Variants in HM13 observed in about 807,000 individuals in gnomAD.
The protein encoded by HM13 is histocompatibility minor 13, also known as signal peptide peptidase.
A neutral mutation model predicts 50.0 loss-of-function variants in HM13; 18 were observed. The observed-to-expected ratio is 0.36, with a 90% CI of 0.25 to 0.53. The LOEUF (loss-of-function observed/expected upper bound fraction) is 0.53. Ranked by LOEUF, HM13 falls within the 20% of genes least tolerant of loss-of-function variation. The pLI is 0.90. For synonymous variants in HM13, 197 were observed against 232.6 expected, an observed-to-expected ratio of 0.85 and a Z score of 1.39; for missense variants, 393 against 552.4, an observed-to-expected ratio of 0.71 and a Z score of 2.89.
At chr20:31,538,042 A>G (rs1983214315) in intron 2 of HM13, 137 bp from the exon 3 acceptor site, 1 of 906,726 alleles carries the variant, frequency 1.1e-6, no homozygotes, top group Non-Finnish European at 1.6e-6. Flanking sequence ...TGCCACTAGT[A>G]TTGTCTGAGA....
chr20:31,565,760 C>A lies in HM13; in HGVS notation c.949-450C>A, dbSNP rs115471664. Among the ~76,000 whole-genome samples, 739 of 152,244 alleles carry A rather than the reference C, an allele frequency of 4.9e-3. 7 individuals are homozygous for A. Among genetic ancestry groups the A allele is most frequent in the African/African-American group, 0.017 (701 of 41,548 alleles). On this transcript the variant is annotated intron_variant, in intron 10 of 12. Transcript: ENST00000398174. ...GAATCCTGGGGGAGCCAGTGACCAGCTAGGTCACCTTAATACAGGCTGCAA... is the reference window on the plus strand; with the variant it reads ...GAATCCTGGGGGAGCCAGTGACCAGATAGGTCACCTTAATACAGGCTGCAA...
chr20:31,545,700 C>T (rs1185909167), intron 4 of HM13, among the ~76,000 whole-genome samples: 2 of 152,176 alleles, frequency 1.3e-5, no homozygotes, highest in Admixed American at 6.5e-5. Context: ...ACAAGATTAT[C>T]AATGCTTGAC....
intron 4 of HM13, 108 bp downstream of exon 4, chr20:31,545,143 G>A: frequency 1.2e-6 from 1 of 848,092 alleles, no homozygotes; most frequent in Admixed American, 2.0e-5. Flanking sequence ...GATGAAGTGG[G>A]CTCTGGAATT....
chr20:31,567,774 T>G, intron 11 of HM13: 1 of 312,500 alleles, frequency 3.2e-6, no homozygotes, highest in East Asian at 6.8e-5. Flanking sequence ...GACGGTGGCA[T>G]TCTTGGAGCA....
chr20:31,530,870 A>C (rs1377179340), intron 2 of HM13, among the ~76,000 whole-genome samples: 1 of 152,190 alleles, frequency 6.6e-6, no homozygotes, highest in South Asian at 2.1e-4. Context: ...CAGTAGGTCT[A>C]CCAGGTCAAA....
intron 3 of HM13, among the ~76,000 whole-genome samples, chr20:31,542,080 G>A (rs1983479081): frequency 6.6e-6 from 1 of 152,246 alleles, no homozygotes; most frequent in Admixed American, 6.5e-5. Flanking sequence ...CTGAAAGGCT[G>A]CAGAGAGCTG....
chr20:31,553,905 G>A (rs1210913122), intron 7 of HM13, among the ~76,000 whole-genome samples: 1 of 152,076 alleles, frequency 6.6e-6, no homozygotes, highest in African/African-American at 2.4e-5. Context: ...AGTGAGATGG[G>A]AAACCTTGTA....
intron 4 of HM13, chr20:31,547,509 C>A (rs1435934040): frequency 2.7e-6 from 2 of 728,988 alleles, no homozygotes; most frequent in Non-Finnish European, 4.7e-6. Context: ...GGATCATGTT[C>A]AAGAAGTTTG....
intron 10 of HM13, among the ~76,000 whole-genome samples, chr20:31,564,811 T>G (rs1600671546): frequency 7.0e-6 from 1 of 143,512 alleles, no homozygotes; most frequent in East Asian, 2.0e-4. Context: ...ACCATTGCAC[T>G]CCAGTCTGGG....
Position 31,514,764 on chromosome 20 carries a change from C to A in HM13, c.183+30C>A, listed in dbSNP as rs1359959661. ...GGTCAGCGGGAAAACCGGGCACTTTCCACCCCCATACCGAACACGGCCGAC... is the reference window on the plus strand; with the variant it reads ...GGTCAGCGGGAAAACCGGGCACTTTACACCCCCATACCGAACACGGCCGAC... On this transcript the variant is annotated intron_variant, in intron 1 of 12. Coordinates refer to ENST00000398174, the MANE Select transcript of HM13 (RefSeq NM_178581.3). The surrounding 1 kb of genome is among the most constrained non-coding windows in gnomAD (Gnocchi z 4.3). The A allele has an allele frequency of 6.7e-7, 1 of 1,498,600 alleles. No individual in the cohort carries two copies. The highest frequency in any genetic ancestry group is 2.5e-5 in the East Asian group (1 of 40,356). The allele number at this position is 1,498,600 out of a possible 1,614,324, so 92.8% of individuals were successfully genotyped here.
At chr20:31,547,466 C>T (rs1983791866) in intron 4 of HM13, 2 of 600,512 alleles carry the variant, frequency 3.3e-6, no homozygotes, top group South Asian at 2.1e-5. Flanking sequence ...TTGCCAATTC[C>T]GTTTGTTTCC....
chr20:31,554,315 T>C (rs530128873), intron 7 of HM13, among the ~76,000 whole-genome samples: 123 of 151,116 alleles, frequency 8.1e-4, no homozygotes, highest in African/African-American at 2.8e-3. Flanking sequence ...TGAGCCAAGA[T>C]CGTGCCACTG....
chr20:31,539,090 C>CACG, intron 3 of HM13: 1 of 985,494 alleles, frequency 1.0e-6, no homozygotes, highest in Non-Finnish European at 1.2e-6. Context: ...CTAACTCAAA[C>CACG]TGCCACATGC....
intron 4 of HM13, among the ~76,000 whole-genome samples, chr20:31,546,777 G>A (rs899413517): frequency 6.7e-6 from 1 of 148,580 alleles, no homozygotes; most frequent in African/African-American, 2.5e-5. Flanking sequence ...AAAAGACTAA[G>A]CTTGGCCAGG....
At chr20:31,536,077 T>G (rs1983089147) in intron 2 of HM13, among the ~76,000 whole-genome samples, 1 of 152,148 alleles carries the variant, frequency 6.6e-6, no homozygotes, top group African/African-American at 2.4e-5. Context: ...AGAACGGATC[T>G]GGAGGCTGGG....
chr20:31,550,203 T>C, intron 7 of HM13, 82 bp downstream of exon 7: 2 of 954,314 alleles, frequency 2.1e-6, no homozygotes, highest in Non-Finnish European at 3.4e-6. Flanking sequence ...AGTCAGTGCA[T>C]CTCCCTATCT....
chr20:31,534,660 G>A (rs1024756421), intron 2 of HM13, among the ~76,000 whole-genome samples: 2 of 152,132 alleles, frequency 1.3e-5, no homozygotes, highest in African/African-American at 4.8e-5. Flanking sequence ...GCACACACCT[G>A]TAGTCCCAAC....
rs1043596753 is a variant in HM13 at position 31,551,466 on chromosome 20, G to A, written c.724+1345G>A. ...AGGGATGGTTTTTCCCAAGTCTCCT[G>A]TGCAGTCTCCCTCATACTTTATTGG... On this transcript the variant is annotated intron_variant, in intron 7 of 12. Transcript: ENST00000398174. Among the ~76,000 whole-genome samples the A allele has an allele frequency of 2.6e-5, 4 of 152,344 alleles. No homozygotes were observed. In the South Asian group the frequency reaches 8.3e-4, roughly 32 times the overall value.
At chr20:31,567,978 A>G in intron 11 of HM13, 100 bp from the exon 12 acceptor site, 1 of 1,049,106 alleles carries the variant, frequency 9.5e-7, no homozygotes, top group East Asian at 2.8e-5. Context: ...TAAAAACAAG[A>G]CAGTTCTGCT....
Sources: gnomAD v4.1 joint callset for allele counts (sites outside exome capture counted in the v4.1 genomes callset) on GRCh38, gnomAD v4.1.1 for gene constraint, Gnocchi (gnomAD v3.1) non-coding constraint, MANE v1.5 for transcripts, NCBI Gene and HGNC (gene_info 2026-07-23, HGNC 2026-07-21) for gene names.